Variants in PHF24 observed in about 807,000 individuals in gnomAD.
The protein encoded by PHF24 is PHD finger protein 24.
In PHF24, 25 loss-of-function variants were observed where a neutral mutation model predicts 42.6. That is an observed-to-expected ratio of 0.59 (90% CI 0.43 to 0.82). PHF24 has a LOEUF of 0.82. PHF24 is among the 40% of genes least tolerant of loss of function. The pLI is 0.00. For missense variants in PHF24, 470 were observed against 538.1 expected, an observed-to-expected ratio of 0.87 and a Z score of 1.25; for synonymous variants, 185 against 204.8, an observed-to-expected ratio of 0.90 and a Z score of 0.83.
chr9:34,820,891 A>T, the PHF24 span, among the ~76,000 whole-genome samples: 1 of 152,184 alleles, frequency 6.6e-6, no homozygotes, highest in South Asian at 2.1e-4. Flanking sequence ...ATCTTGCAGC[A>T]TCTGTTATTT....
chr9:34,809,362 T>C, the PHF24 span, among the ~76,000 whole-genome samples: 1 of 152,242 alleles, frequency 6.6e-6, no homozygotes. This position sits in a 1 kb window ranked among gnomAD's most constrained non-coding sequence, Gnocchi z 4.1. Flanking sequence ...TTCTTTGTGT[T>C]GCCCTCACTT....
the PHF24 span, among the ~76,000 whole-genome samples, chr9:34,875,746 G>A: frequency 6.6e-6 from 1 of 152,202 alleles, no homozygotes; most frequent in Non-Finnish European, 1.5e-5. Flanking sequence ...TCCACCAGGT[G>A]TGTCGGTTCC....
chr9:34,726,803 C>T, the PHF24 span: 2 of 1,551,654 alleles, frequency 1.3e-6, no homozygotes, highest in Non-Finnish European at 1.7e-6. Flanking sequence ...TAAAGACATA[C>T]TAGACGTAGA....
chr9:34,922,114 G>A, the PHF24 span: 2 of 1,279,052 alleles, frequency 1.6e-6, no homozygotes, highest in Non-Finnish European at 2.2e-6. Context: ...ACTATTTGTG[G>A]GACAGCATGG....
At chr9:34,846,658 A>T in the PHF24 span, among the ~76,000 whole-genome samples, 1 of 152,084 alleles carries the variant, frequency 6.6e-6, no homozygotes, top group African/African-American at 2.4e-5. Context: ...GATGTTTTAG[A>T]CATGAAGTCC....
At chr9:34,850,920 G>A in the PHF24 span, among the ~76,000 whole-genome samples, 42 of 152,180 alleles carry the variant, frequency 2.8e-4, no homozygotes, top group African/African-American at 8.9e-4. Flanking sequence ...GCGGATTTTT[G>A]TGAACCGCGA....
Position 34,976,785 on chromosome 9 carries a change from AG to A in PHF24, c.849+48del, listed in dbSNP as rs761671812. The A allele has an allele frequency of 5.8e-6, 9 of 1,542,106 alleles. No individual in the cohort carries two copies. In the East Asian group the frequency reaches 2.0e-4, roughly 35 times the overall value. On this transcript the variant is annotated intron_variant, in intron 5 of 7. Coordinates refer to ENST00000242315, the Ensembl canonical transcript of PHF24. ...AATGTTCCTGGGATACTGGGTGACA[AG>A]GGCCTGGGAGGCACGCTGGGCAGAT...
the PHF24 span, among the ~76,000 whole-genome samples, chr9:34,758,289 G>A: frequency 6.6e-6 from 1 of 152,164 alleles, no homozygotes; most frequent in Admixed American, 6.5e-5. This position sits in a 1 kb window ranked among gnomAD's most constrained non-coding sequence, Gnocchi z 4.4. Context: ...TCTGGGTGTG[G>A]ACGTGTAGCT....
At chr9:34,843,939 G>A in the PHF24 span, among the ~76,000 whole-genome samples, 1 of 151,940 alleles carries the variant, frequency 6.6e-6, no homozygotes, top group East Asian at 1.9e-4. Flanking sequence ...TTTTCTTTTT[G>A]TTGGGAGACT....
chr9:34,750,531 TAAATAAATAA>T, the PHF24 span, among the ~76,000 whole-genome samples: 5 of 139,478 alleles, frequency 3.6e-5, no homozygotes, highest in African/African-American at 1.3e-4. Flanking sequence ...AATAAATAAA[TAAATAAATAA>T]AGTGGGGGTA....
At chr9:34,840,726 AGC>A in the PHF24 span, among the ~76,000 whole-genome samples, 1 of 152,072 alleles carries the variant, frequency 6.6e-6, no homozygotes, top group Non-Finnish European at 1.5e-5. Flanking sequence ...ATATATCTTG[AGC>A]ATATCATTTT....
the PHF24 span, chr9:34,832,518 C>A: frequency 6.6e-7 from 1 of 1,518,042 alleles, no homozygotes; most frequent in Non-Finnish European, 8.8e-7. Context: ...CTTACTTCTC[C>A]CCACAGGGCT....
At chr9:34,785,503 T>G in the PHF24 span, among the ~76,000 whole-genome samples, 2 of 152,230 alleles carry the variant, frequency 1.3e-5, no homozygotes, top group African/African-American at 4.8e-5. Flanking sequence ...GAATAGATGT[T>G]CTCCTCTGAA....
At chr9:34,684,688 C>T in the PHF24 span, among the ~76,000 whole-genome samples, 7 of 152,172 alleles carry the variant, frequency 4.6e-5, no homozygotes, top group Non-Finnish European at 1.0e-4. Context: ...GGGAGAGGAC[C>T]CTTGAAATGA....
chr9:34,716,570 T>TTTTGC, the PHF24 span, among the ~76,000 whole-genome samples: 1 of 35,340 alleles, frequency 2.8e-5, no homozygotes, highest in Non-Finnish European at 5.7e-5. Context: ...TTTTGCTTTG[T>TTTTGC]TTTGTTTTGT....
chr9:34,794,796 T>G, the PHF24 span, among the ~76,000 whole-genome samples: 1 of 152,090 alleles, frequency 6.6e-6, no homozygotes, highest in African/African-American at 2.4e-5. Context: ...ATATAAAGAT[T>G]TTTTAAAAAA....
the PHF24 span, among the ~76,000 whole-genome samples, chr9:34,823,057 G>A: frequency 3.0e-4 from 46 of 151,538 alleles, no homozygotes; most frequent in African/African-American, 6.1e-4. Context: ...TTAGCCGGGC[G>A]CGGTGGCGGG....
At chr9:34,867,565 A>G in the PHF24 span, among the ~76,000 whole-genome samples, 6 of 152,220 alleles carry the variant, frequency 3.9e-5, no homozygotes, top group African/African-American at 1.4e-4. Context: ...ACAGCCAGTC[A>G]CTGGAGAACA....
At chr9:34,857,252 C>T in the PHF24 span, among the ~76,000 whole-genome samples, 13 of 152,170 alleles carry the variant, frequency 8.5e-5, no homozygotes, top group Admixed American at 7.2e-4. Flanking sequence ...GAGTGGGGCC[C>T]GTGGGATAAC....
Sources: allele counts gnomAD v4.1 joint callset (sites outside exome capture counted in the v4.1 genomes callset), GRCh38; gene constraint gnomAD v4.1.1; non-coding constraint Gnocchi (gnomAD v3.1); transcripts MANE v1.5; gene names NCBI Gene and HGNC (gene_info 2026-07-23, HGNC 2026-07-21).